The following KICS2 variants were observed in gnomAD, a reference collection of about 807,000 sequenced individuals.
KICS2 encodes the protein KICSTOR subunit 2, also known as KICSTOR complex protein C12orf66.
In KICS2, 13 loss-of-function variants were observed where a neutral mutation model predicts 31.4. The ratio of observed to expected loss-of-function variants is 0.41; its 90% CI spans 0.27 to 0.66. KICS2 has a LOEUF of 0.66. Among genes scored for constraint, KICS2 ranks in the 30% least tolerant of loss-of-function variants. KICS2 has a pLI of 0.28. For synonymous variants in KICS2, 209 were observed against 214.8 expected, an observed-to-expected ratio of 0.97 and a Z score of 0.24; for missense variants, 455 against 545.4, an observed-to-expected ratio of 0.83 and a Z score of 1.65.
intron 2 of KICS2, among the ~76,000 whole-genome samples, chr12:64,206,800 T>C (rs1442559362): frequency 6.6e-6 from 1 of 152,110 alleles, no homozygotes; most frequent in Non-Finnish European, 1.5e-5. Context: ...AAAAGACAAA[T>C]ACTGTATGAT....
chr12:64,201,844 TCAAA>T (rs55811122), intron 2 of KICS2, among the ~76,000 whole-genome samples: 62 of 150,630 alleles, frequency 4.1e-4, no homozygotes, highest in South Asian at 1.9e-3. Context: ...CAAGACTGTC[TCAAA>T]CAAACAAACA....
Position 64,194,049 on chromosome 12 carries a change from G to T in KICS2, c.1131C>A (p.Ser377Arg). The T allele has an allele frequency of 6.2e-7, 1 of 1,614,170 alleles. No homozygotes were observed. The highest frequency in any genetic ancestry group is 8.5e-7 in the Non-Finnish European group (1 of 1,180,050). Residue 377 changes from serine to arginine, a missense_variant, in exon 3 of 3, where the codon AGC (serine) becomes AGA (arginine). Physicochemically the swap from Ser to Arg is moderately radical, Grantham distance 110. Coordinates refer to ENST00000398055, the MANE Select transcript of KICS2 (RefSeq NM_152440.5). Reference protein sequence around the residue: ...IMTDRTSDLNSLEKVVHFYDD... With the variant: ...IMTDRTSDLNRLEKVVHFYDD... Reference sequence around the variant, plus strand: ...CATAGAAGTGGACCACTTTCTCCAAGCTGTTCAGATCAGATGTGCGGTCCG... The same window carrying T: ...CATAGAAGTGGACCACTTTCTCCAATCTGTTCAGATCAGATGTGCGGTCCG...
intron 2 of KICS2, among the ~76,000 whole-genome samples, chr12:64,212,839 C>T (rs1035772012): frequency 6.6e-6 from 1 of 151,920 alleles, no homozygotes; most frequent in African/African-American, 2.4e-5. Flanking sequence ...CCTGTAATCC[C>T]AGCACTTTGG....
rs776853081 is a variant in KICS2 at position 64,222,191 on chromosome 12, G to T, written c.47C>A (p.Ala16Glu). 1 of 1,614,056 alleles carries T rather than the reference G, an allele frequency of 6.2e-7. No individual in the cohort carries two copies. Among genetic ancestry groups the T allele is most frequent in the Admixed American group, 1.7e-5 (1 of 60,018 alleles). The change falls in exon 1 of 3, where the codon GCG (alanine) becomes GAG (glutamate). Residue 16 changes from alanine to glutamate, a missense_variant. Ala to Glu is a moderately radical substitution (Grantham distance 107). Coordinates refer to ENST00000398055, the MANE Select transcript of KICS2 (RefSeq NM_152440.5). ...GTGAGAGAAGAACGTCTCCAGCACC[G>T]CCTGTTCCACCGGGACCGGGGCGGC... ...PLAAPVPVEQ[A>E]VLETFFSHLG...
chr12:64,221,704 T>G, intron 1 of KICS2: 2 of 483,698 alleles, frequency 4.1e-6, no homozygotes, highest in South Asian at 2.8e-5. Context: ...CATAGTTTGG[T>G]TAACTTCTCA....
Position 64,193,399 on chromosome 12 carries a change from G to A in KICS2, c.*443C>T. The A allele has an allele frequency of 1.0e-6, 1 of 986,184 alleles. No individual in the cohort carries two copies. Among genetic ancestry groups the A allele is most frequent in the Non-Finnish European group, 1.2e-6 (1 of 830,474 alleles). The allele number at this position is 986,184 out of a possible 1,614,324, so 61.1% of individuals were successfully genotyped here. A position where few individuals can be genotyped will look rare whatever the true frequency, so the allele number is the denominator to read the frequency against. ...TATTCATTTGCTAATTTATGAGACA[G>A]AAAACATATAGTTCTTAATTCTAAA... On this transcript the variant is annotated 3_prime_UTR_variant, in exon 3 of 3. Transcript: ENST00000398055.
intron 1 of KICS2, among the ~76,000 whole-genome samples, chr12:64,218,627 T>C (rs1382017627): frequency 6.6e-6 from 1 of 151,974 alleles, no homozygotes; most frequent in Non-Finnish European, 1.5e-5. Flanking sequence ...TATCTAGTAC[T>C]ATTAAACGGG....
chr12:64,187,775 T>C, downstream of KICS2: 1 of 735,602 alleles, frequency 1.4e-6, no homozygotes, highest in East Asian at 2.8e-5. Context: ...TTCTTACATT[T>C]TTACTTGAAA....
At chr12:64,215,492 T>C (rs2037619497) in intron 2 of KICS2, among the ~76,000 whole-genome samples, 186 bp downstream of exon 2, 1 of 152,188 alleles carries the variant, frequency 6.6e-6, no homozygotes. Flanking sequence ...CGTGTGGTGT[T>C]AATAAGACCA....
intron 2 of KICS2, among the ~76,000 whole-genome samples, chr12:64,214,728 A>C (rs1032224468): frequency 2.6e-4 from 39 of 152,214 alleles, no homozygotes; most frequent in African/African-American, 8.9e-4. Flanking sequence ...AAATACAAAA[A>C]AAATTAGCCA....
intron 2 of KICS2, among the ~76,000 whole-genome samples, chr12:64,206,063 C>T (rs1452436402): frequency 6.6e-6 from 1 of 152,128 alleles, no homozygotes; most frequent in African/African-American, 2.4e-5. Flanking sequence ...GGACTACGGG[C>T]ACACACCACA....
chr12:64,188,729 C>T (rs543279590), downstream of KICS2, among the ~76,000 whole-genome samples: 3 of 152,174 alleles, frequency 2.0e-5, no homozygotes, highest in South Asian at 6.2e-4. Context: ...AGGGAGAAAA[C>T]GGCTGCTTTA....
intron 1 of KICS2, 24 bp downstream of exon 1, chr12:64,221,979 G>A: frequency 6.3e-7 from 1 of 1,594,342 alleles, no homozygotes; most frequent in Non-Finnish European, 8.6e-7. Context: ...TCCTCAAGGG[G>A]CTCGGGGGGC....
chr12:64,194,605 T>C lies in KICS2; in HGVS notation c.575A>G (p.Asp192Gly). 1 of 1,614,086 alleles carries C rather than the reference T, an allele frequency of 6.2e-7. No homozygotes were observed. The part of the protein sequence containing the change: ...PLESSFQLEV[D>G]VLCHLLKAQA... ...GGCTTTCAGGAGATGACACAGGACG[T>C]CAACTTCCAGCTGGAAACTGCTTTC... The change falls in exon 3 of 3, where the codon GAC (aspartate) becomes GGC (glycine). Residue 192 changes from aspartate (D) to glycine (G), a missense_variant. By Grantham distance (94) the Asp-to-Gly change is moderately conservative. Transcript: ENST00000398055.
chr12:64,195,844 G>A (rs1194546833), intron 2 of KICS2, among the ~76,000 whole-genome samples: 5,062 of 84,530 alleles, frequency 0.06, no homozygotes, highest in African/African-American at 0.13. Context: ...GGTGACGGAC[G>A]CACCTGGAAA....
At chr12:64,218,334 C>G (rs948179893) in intron 1 of KICS2, among the ~76,000 whole-genome samples, 3 of 152,156 alleles carry the variant, frequency 2.0e-5, no homozygotes, top group African/African-American at 7.2e-5. Flanking sequence ...TGGTTTCAAA[C>G]CCCAGCTCCC....
At chr12:64,215,443 G>A (rs2037619018) in intron 2 of KICS2, among the ~76,000 whole-genome samples, 1 of 152,032 alleles carries the variant, frequency 6.6e-6, no homozygotes, top group East Asian at 1.9e-4. Context: ...CAAGTTTTAC[G>A]ATTACTTCAT....
chr12:64,219,600 G>C (rs986335056), intron 1 of KICS2, among the ~76,000 whole-genome samples: 1 of 152,170 alleles, frequency 6.6e-6, no homozygotes, highest in Non-Finnish European at 1.5e-5. Flanking sequence ...TTTGCTAAGA[G>C]AGTAGATCTT....
intron 2 of KICS2, among the ~76,000 whole-genome samples, chr12:64,201,967 T>C (rs2037494411): frequency 6.6e-6 from 1 of 152,358 alleles, no homozygotes; most frequent in African/African-American, 2.4e-5. Context: ...CACTGAATAA[T>C]GTAGTCCCTT....
Sources: allele counts gnomAD v4.1 joint callset (sites outside exome capture counted in the v4.1 genomes callset), GRCh38; gene constraint gnomAD v4.1.1; transcripts MANE v1.5; gene names NCBI Gene and HGNC (gene_info 2026-07-23, HGNC 2026-07-21).